The following PODXL variants were observed in gnomAD, a reference collection of about 807,000 sequenced individuals.
PODXL encodes podocalyxin.
A neutral mutation model predicts 48.9 loss-of-function variants in PODXL; 20 were observed. That is an observed-to-expected ratio of 0.41 (90% CI 0.29 to 0.59). The LOEUF is 0.59. Among genes scored for constraint, PODXL ranks in the 20% least tolerant of loss-of-function variants. The probability of loss-of-function intolerance (pLI) is 0.31; values close to 1 mark genes in which losing one functional copy is unlikely to be tolerated. For synonymous variants in PODXL, 295 were observed against 287.4 expected, an observed-to-expected ratio of 1.03 and a Z score of -0.27; for missense variants, 606 against 675.1, an observed-to-expected ratio of 0.90 and a Z score of 1.13.
chr7:131,505,813 G>A, intron 8 of PODXL, 55 bp downstream of exon 8: 1 of 1,475,700 alleles, frequency 6.8e-7, no homozygotes, highest in Non-Finnish European at 9.1e-7. Flanking sequence ...ACGAGGGGAG[G>A]GTTCCTCTGG....
intron 3 of PODXL, among the ~76,000 whole-genome samples, chr7:131,509,900 G>A (rs1033782022): frequency 6.6e-5 from 10 of 152,216 alleles, no homozygotes; most frequent in Non-Finnish European, 1.3e-4. Context: ...CTGAGGCTCC[G>A]AGGGGCTCAG....
Position 131,500,548 on chromosome 7 carries a change from A to C in PODXL, c.*3763T>G, listed in dbSNP as rs938203587. 6.6e-6 allele frequency: 1 copy of C among 152,404 alleles called. No homozygotes were observed. The highest frequency in any genetic ancestry group is 2.4e-5 in the African/African-American group (1 of 41,430). 9.4% of individuals were successfully genotyped at this position (152,404 alleles called of 1,614,324 possible). A position where few individuals can be genotyped will look rare whatever the true frequency, so the allele number is the denominator to read the frequency against. On this transcript the variant is annotated 3_prime_UTR_variant, in exon 9 of 9. Transcript: ENST00000378555. ...AGGGATCAGCTAGTGACCGTGACAAAAGCTATGCTACAGTTTTACTCTTGC... is the reference window on the plus strand; with the variant it reads ...AGGGATCAGCTAGTGACCGTGACAACAGCTATGCTACAGTTTTACTCTTGC...
chr7:131,544,655 CTACGCACGCACGCCCTG>C (rs1274247596), intron 1 of PODXL, among the ~76,000 whole-genome samples: 1 of 16,660 alleles, frequency 6.0e-5, no homozygotes. Flanking sequence ...ACGCCCTGTA[CTACGCACGCACGCCCTG>C]TACTACGCTT....
At position 131,526,236 on chromosome 7, in the gene PODXL, AG is replaced by A. The variant is rs1562910472; in HGVS notation, c.101-14804del. ...AAAAATAAAAATGAAACGAAGAGGAAGGCAAGTTCAGCCTGCAAGACCTGAA... is the reference window on the plus strand; with the variant it reads ...AAAAATAAAAATGAAACGAAGAGGAAGCAAGTTCAGCCTGCAAGACCTGAA... On this transcript the variant is annotated intron_variant, in intron 1 of 8. Coordinates refer to ENST00000378555, the MANE Select transcript of PODXL (RefSeq NM_001018111.3). Among the ~76,000 whole-genome samples, 3 of 152,218 alleles carry A rather than the reference AG, an allele frequency of 2.0e-5. No individual in the cohort carries two copies. In the South Asian group the frequency reaches 6.2e-4, roughly 32 times the overall value.
At chr7:131,537,599 C>T (rs1798398343) in intron 1 of PODXL, among the ~76,000 whole-genome samples, 1 of 135,148 alleles carries the variant, frequency 7.4e-6, no homozygotes, top group African/African-American at 2.7e-5. Context: ...CCCCACCCCA[C>T]CCCACCCCCC....
At chr7:131,520,273 A>G in intron 1 of PODXL, 2 of 500,712 alleles carry the variant, frequency 4.0e-6, no homozygotes, top group South Asian at 3.1e-5. Context: ...AGGCACTCAC[A>G]GAGATCCAGA....
intron 1 of PODXL, among the ~76,000 whole-genome samples, chr7:131,528,011 C>A (rs937376485): frequency 6.7e-6 from 1 of 149,180 alleles, no homozygotes; most frequent in African/African-American, 2.5e-5. Flanking sequence ...TCAAGCAATT[C>A]TCCTGCCTCA....
At chr7:131,535,757 C>T (rs1316599373) in intron 1 of PODXL, among the ~76,000 whole-genome samples, 1 of 152,014 alleles carries the variant, frequency 6.6e-6, no homozygotes, top group Non-Finnish European at 1.5e-5. Flanking sequence ...TGGGGCTAGG[C>T]CTATTTTTGT....
chr7:131,519,969 T>A (rs538481158), intron 1 of PODXL, among the ~76,000 whole-genome samples: 1 of 152,254 alleles, frequency 6.6e-6, no homozygotes, highest in African/African-American at 2.4e-5. Flanking sequence ...AAGGGATCCA[T>A]CTGCCTCAGT....
In PODXL at chr7:131,543,510, C is replaced by T. The variant is rs540418354; in HGVS notation, c.100+12750G>A. Among the ~76,000 whole-genome samples the T allele has an allele frequency of 2.0e-5, 3 of 152,208 alleles. No homozygotes were observed. In the East Asian group the frequency reaches 5.8e-4, roughly 29 times the overall value. ...GTCATAATGTTACAGCTAGAGGAAG[C>T]CTAGATGTCATGTGATCTCAGCCCA... On this transcript the variant is annotated intron_variant, in intron 1 of 8. Transcript: ENST00000378555.
At position 131,504,164 on chromosome 7, in the gene PODXL, G is replaced by GA. The variant is rs1797758271; in HGVS notation, c.*146dup. On this transcript the variant is annotated 3_prime_UTR_variant, in exon 9 of 9. Transcript: ENST00000378555. ...ATGTGATTTGTTCAGGTTGAAAAGG[G>GA]AAAAATTAAGGCCCTGGGGGGATTG... 3.1e-6 allele frequency: 2 copies of GA among 639,852 alleles called. No homozygotes were observed. The highest frequency in any genetic ancestry group is 5.4e-6 in the Non-Finnish European group (2 of 368,916). The allele number at this position is 639,852 out of a possible 1,614,324, so 39.6% of individuals were successfully genotyped here. A position where few individuals can be genotyped will look rare whatever the true frequency, so the allele number is the denominator to read the frequency against.
At chr7:131,531,365 T>C (rs1490158776) in intron 1 of PODXL, among the ~76,000 whole-genome samples, 1 of 152,134 alleles carries the variant, frequency 6.6e-6, no homozygotes, top group Non-Finnish European at 1.5e-5. Context: ...GAACCTGACC[T>C]GGGATAAGAG....
chr7:131,524,808 A>G (rs1027523577), intron 1 of PODXL, among the ~76,000 whole-genome samples: 1 of 152,248 alleles, frequency 6.6e-6, no homozygotes, highest in Non-Finnish European at 1.5e-5. Context: ...AAATGTTTAT[A>G]GCAGTTTTAT....
At chr7:131,510,394 C>T (rs977278867) in intron 2 of PODXL, 63 bp from the exon 3 acceptor site, 4 of 281,704 alleles carry the variant, frequency 1.4e-5, no homozygotes, top group African/African-American at 7.0e-5. Context: ...ACCTGTAGTC[C>T]CAGCTACTCG....
In PODXL at chr7:131,509,417, G is replaced by C; in HGVS notation, c.971C>G (p.Thr324Ser). The C allele has an allele frequency of 6.2e-7, 1 of 1,614,090 alleles. No individual in the cohort carries two copies. Among genetic ancestry groups the C allele is most frequent in the South Asian group, 1.1e-5 (1 of 91,072 alleles). ...MSSSPTAAST[T>S]HRYPKTPSPT... ...AGAAGGTGTTTTGGGGTATCGGTGG[G>C]TAGTTGATGCTGCTGTGGGGCTGGA... Residue 324 changes from threonine to serine, a missense_variant, in exon 4 of 9, where the codon ACC becomes AGC. Thr to Ser is a moderately conservative substitution (Grantham distance 58, BLOSUM62 1). Transcript: ENST00000378555.
intron 1 of PODXL, among the ~76,000 whole-genome samples, chr7:131,532,949 T>C (rs1798308729): frequency 6.6e-6 from 1 of 152,152 alleles, no homozygotes; most frequent in South Asian, 2.1e-4. Context: ...TCTGCGACTT[T>C]CAGCCCCCAG....
Position 131,504,155 on chromosome 7 carries a change from T to C in PODXL, c.*156A>G. On this transcript the variant is annotated 3_prime_UTR_variant, in exon 9 of 9. Transcript: ENST00000378555. Reference sequence around the variant, plus strand: ...CTGGACAGAATGTGATTTGTTCAGGTTGAAAAGGGAAAAATTAAGGCCCTG... The same window carrying C: ...CTGGACAGAATGTGATTTGTTCAGGCTGAAAAGGGAAAAATTAAGGCCCTG... 1 of 622,574 alleles carries C rather than the reference T, an allele frequency of 1.6e-6. No individual in the cohort carries two copies. The highest frequency in any genetic ancestry group is 2.0e-5 in the South Asian group (1 of 51,258). 38.6% of individuals were successfully genotyped at this position (622,574 alleles called of 1,614,324 possible).
rs150410872 is a variant in PODXL at position 131,511,277 on chromosome 7, G to A, written c.257C>T (p.Ser86Phe). ...ASVKATTLGV[S>F]SDSPGTTTLA... ...GGTTGTAGTCCCCGGTGAGTCACTG[G>A]ATACACCAAGGGTGGTCGCCTTGAC... The change falls in exon 2 of 9, where the codon TCC becomes TTC. Residue 86 changes from serine to phenylalanine, a missense_variant. Coordinates refer to ENST00000378555, the MANE Select transcript of PODXL (RefSeq NM_001018111.3). The A allele has an allele frequency of 1.9e-6, 3 of 1,613,962 alleles. No homozygotes were observed. The highest frequency in any genetic ancestry group is 2.5e-6 in the Non-Finnish European group (3 of 1,180,000).
At chr7:131,529,065 T>A (rs1257555853) in intron 1 of PODXL, among the ~76,000 whole-genome samples, 2 of 146,166 alleles carry the variant, frequency 1.4e-5, no homozygotes, top group African/African-American at 4.9e-5. Flanking sequence ...GAAACGGGAA[T>A]GACCCAATGA....
Sources: allele counts gnomAD v4.1 joint callset (sites outside exome capture counted in the v4.1 genomes callset), GRCh38; gene constraint gnomAD v4.1.1; transcripts MANE v1.5; gene names NCBI Gene and HGNC (gene_info 2026-07-23, HGNC 2026-07-21).